Variants in ZBTB38 observed in about 807,000 individuals in gnomAD.
ZBTB38 encodes zinc finger and BTB domain containing 38, also known as zinc finger and BTB domain-containing protein 38.
In ZBTB38, 20 loss-of-function variants were observed where a neutral mutation model predicts 76.8. The ratio of observed to expected loss-of-function variants is 0.26; its 90% confidence interval spans 0.18 to 0.38. The LOEUF (loss-of-function observed/expected upper bound fraction) is 0.38. Among genes scored for constraint, ZBTB38 ranks in the 10% least tolerant of loss-of-function variants. The pLI, the probability that ZBTB38 is intolerant of heterozygous loss-of-function variation, is 1.00. For missense variants in ZBTB38, 1,082 were observed against 1,482.3 expected (o/e 0.73, Z 4.43); for synonymous variants, 504 against 544.2 (o/e 0.93, Z 1.03).
intron 5 of ZBTB38, among the ~76,000 whole-genome samples, chr3:141,406,090 G>A (rs1441771251): frequency 6.6e-6 from 1 of 152,164 alleles, no homozygotes; most frequent in Admixed American, 6.5e-5. Context: ...GTTAGAACTG[G>A]TCTATATACA....
intron 4 of ZBTB38, among the ~76,000 whole-genome samples, chr3:141,400,367 C>T (rs1007045909): frequency 6.6e-6 from 1 of 152,184 alleles, no homozygotes; most frequent in African/African-American, 2.4e-5. Context: ...TGTGAATTCC[C>T]AAGTGGATGT....
intron 1 of ZBTB38, chr3:141,324,515 C>T (rs1016804078): frequency 6.6e-6 from 1 of 152,224 alleles, no homozygotes; most frequent in African/African-American, 2.4e-5. Context: ...CTTTCCTTCT[C>T]ATGAATTCCA....
At chr3:141,399,149 A>C (rs1951090391) in intron 4 of ZBTB38, among the ~76,000 whole-genome samples, 1 of 150,106 alleles carries the variant, frequency 6.7e-6, no homozygotes, top group African/African-American at 2.5e-5. Flanking sequence ...TTAAGTAGTC[A>C]ACATTTCATA....
At chr3:141,430,391 C>T (rs560692377) in intron 5 of ZBTB38, among the ~76,000 whole-genome samples, 104 of 152,220 alleles carry the variant, frequency 6.8e-4, no homozygotes, top group African/African-American at 2.4e-3. Flanking sequence ...TAAAGATCAC[C>T]CTACATACTG....
At chr3:141,357,941 G>A (rs1361556394) in intron 1 of ZBTB38, among the ~76,000 whole-genome samples, 1 of 152,210 alleles carries the variant, frequency 6.6e-6, no homozygotes, top group Non-Finnish European at 1.5e-5. Flanking sequence ...TCATCTGAGA[G>A]ACCGTGGTGA....
At chr3:141,402,455 T>C (rs1473059534) in intron 4 of ZBTB38, 1 of 150,768 alleles carries the variant, frequency 6.6e-6, no homozygotes, top group Non-Finnish European at 1.5e-5. Flanking sequence ...GCCCCGTAAG[T>C]GCCCCTCGCA....
intron 2 of ZBTB38, among the ~76,000 whole-genome samples, chr3:141,377,961 G>A (rs147892602): frequency 3.7e-4 from 57 of 152,200 alleles, no homozygotes; most frequent in African/African-American, 1.3e-3. Flanking sequence ...TGAGGCAGGA[G>A]TGCCCAGGAG....
At chr3:141,439,768 T>C (rs1577494342) in intron 5 of ZBTB38, among the ~76,000 whole-genome samples, 2 of 152,310 alleles carry the variant, frequency 1.3e-5, no homozygotes, top group Non-Finnish European at 2.9e-5. Flanking sequence ...TTGAATCATA[T>C]AGCATGTGTT....
chr3:141,424,533 A>C (rs977165349), intron 5 of ZBTB38, among the ~76,000 whole-genome samples: 8 of 152,214 alleles, frequency 5.3e-5, no homozygotes, highest in Non-Finnish European at 1.0e-4. Context: ...AAAAAATAAA[A>C]ATAAAAAATA....
intron 5 of ZBTB38, among the ~76,000 whole-genome samples, chr3:141,436,382 T>C (rs1360376426): frequency 6.6e-6 from 1 of 152,190 alleles, no homozygotes; most frequent in Non-Finnish European, 1.5e-5. Flanking sequence ...TGGTGATAAA[T>C]CCTTGGGCAG....
At chr3:141,340,962 G>GAAAAGAAAAGAAAAGA (rs745536086) in intron 1 of ZBTB38, among the ~76,000 whole-genome samples, 35 of 131,678 alleles carry the variant, frequency 2.7e-4, no homozygotes, top group African/African-American at 9.5e-4. Context: ...AAGAAAGAAA[G>GAAAAGAAAAGAAAAGA]AAAGAAAGAA....
chr3:141,347,251 A>G (rs1943389995), intron 1 of ZBTB38, among the ~76,000 whole-genome samples: 1 of 152,178 alleles, frequency 6.6e-6, no homozygotes, highest in South Asian at 2.1e-4. Context: ...CTCTACTTTC[A>G]AAGGTGGTGG....
In ZBTB38 at chr3:141,342,108, C is replaced by T. The variant is rs151299997; in HGVS notation, c.-739+17652C>T. On this transcript the variant is annotated intron_variant, in intron 1 of 7. Coordinates refer to the ZBTB38 transcript ENST00000509842. The stretch of plus-strand genomic sequence containing the variant: ...TTGAGAGGCCAAGGCAGGTGGATCA[C>T]GAGTTCAGGAGATCGAGACTATCCT... Among the ~76,000 whole-genome samples, 73 of 152,218 alleles carry T rather than the reference C, an allele frequency of 4.8e-4. 1 individual carries two copies. The East Asian group carries it at 0.013, about 27-fold the overall frequency.
At chr3:141,334,746 T>C (rs1217921456) in intron 1 of ZBTB38, among the ~76,000 whole-genome samples, 1 of 152,110 alleles carries the variant, frequency 6.6e-6, no homozygotes, top group Non-Finnish European at 1.5e-5. Context: ...TACATCCTGC[T>C]GTAATGACCC....
In ZBTB38 at chr3:141,420,910, A is replaced by G. The variant is rs543800768; in HGVS notation, c.-1+16879A>G. 8.5e-4 allele frequency among the ~76,000 whole-genome samples: 130 copies of G among 152,218 alleles called. No homozygotes were observed. In the Middle Eastern group the frequency reaches 0.01, roughly 12 times the overall value. On this transcript the variant is annotated intron_variant, in intron 5 of 5. Coordinates refer to ENST00000321464, the MANE Select transcript of ZBTB38 (RefSeq NM_001376113.1). ...AAAACAAACACAATTAAGTTTAACC[A>G]GAATAAATAAGGGAAATTTTGAGTT...
At chr3:141,398,382 G>A (rs115197736) in intron 4 of ZBTB38, among the ~76,000 whole-genome samples, 44 of 152,198 alleles carry the variant, frequency 2.9e-4, no homozygotes, top group African/African-American at 1.0e-3. Flanking sequence ...AATTTGGAGT[G>A]TTGAACATTT....
chr3:141,431,183 C>T (rs1259480331), intron 5 of ZBTB38, among the ~76,000 whole-genome samples: 1 of 151,300 alleles, frequency 6.6e-6, no homozygotes, highest in Non-Finnish European at 1.5e-5. Context: ...ATTAGCCGGG[C>T]ATGGTGGCAG....
At chr3:141,377,232 C>T (rs545891210) in intron 2 of ZBTB38, among the ~76,000 whole-genome samples, 1 of 152,252 alleles carries the variant, frequency 6.6e-6, no homozygotes, top group Non-Finnish European at 1.5e-5. Flanking sequence ...ACTCAGCCCC[C>T]CCATCCAGAA....
chr3:141,356,200 G>A (rs991118307), intron 1 of ZBTB38, among the ~76,000 whole-genome samples: 10 of 152,118 alleles, frequency 6.6e-5, no homozygotes, highest in African/African-American at 2.4e-4. Flanking sequence ...TGTAGCAGAT[G>A]CTGCTGTGCC....
Sources: allele counts gnomAD v4.1 joint callset (sites outside exome capture counted in the v4.1 genomes callset), GRCh38; gene constraint gnomAD v4.1.1; transcripts MANE v1.5; gene names NCBI Gene and HGNC (gene_info 2026-07-23, HGNC 2026-07-21).